IDE: variants seen among roughly 807,000 people sequenced by gnomAD.
IDE encodes insulin-degrading enzyme.
In IDE, 58 loss-of-function variants were observed where a neutral mutation model predicts 133.2. That is an observed-to-expected ratio of 0.44 (90% CI 0.35 to 0.54). The LOEUF is 0.54. Ranked by LOEUF, IDE falls within the 20% of genes least tolerant of loss-of-function variation. The pLI, the probability that IDE is intolerant of heterozygous loss-of-function variation, is 0.00. For synonymous variants in IDE, 396 were observed against 421.3 expected, an observed-to-expected ratio of 0.94 and a Z score of 0.73; for missense variants, 981 against 1,234.0, an observed-to-expected ratio of 0.79 and a Z score of 3.07.
Position 92,501,019 on chromosome 10 carries a change from C to T in IDE, c.1430+3775G>A, listed in dbSNP as rs1402937125. On this transcript the variant is annotated intron_variant, in intron 11 of 24. Transcript: ENST00000265986. ...TCGCACCACTGCACTCCAGCCTGGG[C>T]GACAGAGTGAGATCCTGTCTCAGAA... Among the ~76,000 whole-genome samples, 5 of 140,072 alleles carry T rather than the reference C, an allele frequency of 3.6e-5. No individual in the cohort carries two copies. In the South Asian group the frequency reaches 9.1e-4, roughly 25 times the overall value. 91.9% of individuals were successfully genotyped at this position (140,072 alleles called of 152,430 possible). A position where few individuals can be genotyped will look rare whatever the true frequency, so the allele number is the denominator to read the frequency against.
chr10:92,559,737 ATTTTT>A (rs67531776), intron 1 of IDE, among the ~76,000 whole-genome samples: 6 of 134,090 alleles, frequency 4.5e-5, no homozygotes, highest in Admixed American at 7.6e-5. Flanking sequence ...TGAATGGTAT[ATTTTT>A]TTTTTTTTTT....
Position 92,570,730 on chromosome 10 carries a change from C to CA in IDE, c.98+3191dup, listed in dbSNP as rs1843741535. ...AGGAGTTTGAGACCACCCTGGGCAA[C>CA]ATGACAAAACCCCATCTCTACCAAA... On this transcript the variant is annotated intron_variant, in intron 1 of 24. Transcript: ENST00000265986. Among the ~76,000 whole-genome samples, 2 of 152,004 alleles carry CA rather than the reference C, an allele frequency of 1.3e-5. 1 individual carries two copies. Among genetic ancestry groups the CA allele is most frequent in the South Asian group, 4.2e-4 (2 of 4,810 alleles).
chr10:92,518,497 C>A (rs1347612893), intron 4 of IDE, among the ~76,000 whole-genome samples: 1 of 152,158 alleles, frequency 6.6e-6, no homozygotes, highest in African/African-American at 2.4e-5. Flanking sequence ...TGATGGAGTG[C>A]ATCTTGAATC....
At position 92,570,441 on chromosome 10, in the gene IDE, A is replaced by G. The variant is rs77335557; in HGVS notation, c.98+3481T>C. On this transcript the variant is annotated intron_variant, in intron 1 of 24. Transcript: ENST00000265986. The stretch of plus-strand genomic sequence containing the variant: ...AATGTCTAAACTAACAGAACAGTGA[A>G]AACAGACTGAAGACAAGCCAAATGA... Among the ~76,000 whole-genome samples the G allele has an allele frequency of 7.6e-3, 1,152 of 152,304 alleles. 16 individuals carry two copies. The highest frequency in any genetic ancestry group is 0.026 in the African/African-American group (1,101 of 41,564).
At chr10:92,486,082 C>T (rs1846977235) in intron 13 of IDE, among the ~76,000 whole-genome samples, 1 of 152,178 alleles carries the variant, frequency 6.6e-6, no homozygotes. Flanking sequence ...GGCGTGGTGG[C>T]TCATGCCTCT....
intron 22 of IDE, among the ~76,000 whole-genome samples, chr10:92,457,270 C>G (rs1845082241): frequency 6.6e-6 from 1 of 152,086 alleles, no homozygotes; most frequent in African/African-American, 2.4e-5. Context: ...GTTCATCTAC[C>G]AAAAGAGAAA....
chr10:92,537,320 G>A, intron 2 of IDE, 46 bp downstream of exon 2: 7 of 1,441,118 alleles, frequency 4.9e-6, no homozygotes, highest in Non-Finnish European at 6.7e-6. Flanking sequence ...GTCAGCATTA[G>A]GTCAATGAAA....
intron 1 of IDE, among the ~76,000 whole-genome samples, chr10:92,548,359 CAAAAAAAAAAAAA>C (rs56347361): frequency 1.8e-4 from 7 of 39,718 alleles, no homozygotes; most frequent in East Asian, 3.7e-3. Context: ...AACTCCATCT[CAAAAAAAAAAAAA>C]AAAAAAAAAA....
At chr10:92,461,910 G>A (rs866942087) in intron 21 of IDE, among the ~76,000 whole-genome samples, 13 of 151,866 alleles carry the variant, frequency 8.6e-5, no homozygotes, top group African/African-American at 2.9e-4. Context: ...CTCCTAACTC[G>A]TGATCCGCCC....
chr10:92,564,641 T>C (rs1350793298), intron 1 of IDE, among the ~76,000 whole-genome samples: 1 of 114,876 alleles, frequency 8.7e-6, no homozygotes, highest in East Asian at 3.0e-4. Context: ...GCCACTGCAT[T>C]CCAGCCTGGG....
intron 1 of IDE, among the ~76,000 whole-genome samples, chr10:92,565,263 G>GA (rs1332713405): frequency 1.6e-5 from 2 of 123,422 alleles, no homozygotes; most frequent in Non-Finnish European, 3.6e-5. Flanking sequence ...AAAAAAAAAA[G>GA]AAAAAATTAG....
intron 2 of IDE, among the ~76,000 whole-genome samples, chr10:92,536,026 A>G (rs1564659001): frequency 1.3e-5 from 2 of 150,864 alleles, no homozygotes; most frequent in East Asian, 3.9e-4. Context: ...ACAGAGTGAG[A>G]CTCTGTCTCA....
At chr10:92,558,928 A>G (rs921109211) in intron 1 of IDE, 3 of 149,672 alleles carry the variant, frequency 2.0e-5, no homozygotes, top group Non-Finnish European at 3.0e-5. Flanking sequence ...TACAACTTTA[A>G]TAAAAAAAAA....
At chr10:92,487,110 G>T in intron 13 of IDE, 86 bp downstream of exon 13, 1 of 1,332,736 alleles carries the variant, frequency 7.5e-7, no homozygotes, top group Non-Finnish European at 1.0e-6. Context: ...AATCAACATA[G>T]TACCAAATGT....
intron 17 of IDE, among the ~76,000 whole-genome samples, chr10:92,470,848 T>G (rs1845929087): frequency 6.6e-6 from 1 of 152,218 alleles, no homozygotes; most frequent in African/African-American, 2.4e-5. Flanking sequence ...AGGGGACTCA[T>G]GAAGTTGATA....
At position 92,485,125 on chromosome 10, in the gene IDE, C is replaced by CTTTTTTTTTTTTTTTTTTTTTTT. The variant is rs34615998; in HGVS notation, c.1657-1789_1657-1788insAAAAAAAAAAAAAAAAAAAAAAA. Among the ~76,000 whole-genome samples, 11 of 100,862 alleles carry CTTTTTTTTTTTTTTTTTTTTTTT rather than the reference C, an allele frequency of 1.1e-4. 1 individual carries two copies. The highest frequency in any genetic ancestry group is 1.3e-4 in the Non-Finnish European group (7 of 53,314). The allele number at this position is 100,862 out of a possible 152,430, so 66.2% of individuals were successfully genotyped here. A position where few individuals can be genotyped will look rare whatever the true frequency, so the allele number is the denominator to read the frequency against. On this transcript the variant is annotated intron_variant, in intron 13 of 24. Coordinates refer to ENST00000265986, the MANE Select transcript of IDE (RefSeq NM_004969.4). Reference sequence around the variant, plus strand: ...TTTCTTTTTCTTTCTTTCTTTCTTTCTTTTTTTTTTTTTTTTTTTGTGACA... The same window carrying CTTTTTTTTTTTTTTTTTTTTTTT: ...TTTCTTTTTCTTTCTTTCTTTCTTTCTTTTTTTTTTTTTTTTTTTTTTTTTTTTTTTTTTTTTTTTTTGTGACA...
At chr10:92,462,939 G>C (rs1845475455) in intron 21 of IDE, among the ~76,000 whole-genome samples, 1 of 152,178 alleles carries the variant, frequency 6.6e-6, no homozygotes, top group Non-Finnish European at 1.5e-5. Flanking sequence ...GCTCACGCCT[G>C]TAATCCCAGC....
At chr10:92,478,692 G>A in intron 15 of IDE, 1 of 1,279,404 alleles carries the variant, frequency 7.8e-7, no homozygotes, top group South Asian at 1.3e-5. Flanking sequence ...AAACCTGAGA[G>A]GCGTGCTGCA....
At chr10:92,459,824 CTTTTTTTT>C (rs901315055) in intron 22 of IDE, among the ~76,000 whole-genome samples, 17 of 92,782 alleles carry the variant, frequency 1.8e-4, no homozygotes, top group Non-Finnish European at 3.0e-4. Flanking sequence ...GTGTGAACCT[CTTTTTTTT>C]TTTTTTTTTT....
Sources: gnomAD v4.1 joint callset for allele counts (sites outside exome capture counted in the v4.1 genomes callset) on GRCh38, gnomAD v4.1.1 for gene constraint, MANE v1.5 for transcripts, NCBI Gene and HGNC (gene_info 2026-07-23, HGNC 2026-07-21) for gene names.